Variants in DPY19L3 observed in about 807,000 individuals in gnomAD.
The protein encoded by DPY19L3 is protein C-mannosyl-transferase DPY19L3.
Under a neutral mutation model 92.3 loss-of-function variants are expected in DPY19L3, and 51 were observed. That is an observed-to-expected ratio of 0.55 (90% CI 0.44 to 0.70). The LOEUF is 0.70. Ranked by LOEUF, DPY19L3 falls within the 30% of genes least tolerant of loss-of-function variation. The pLI, the probability that DPY19L3 is intolerant of heterozygous loss-of-function variation, is 0.00. For synonymous variants in DPY19L3, 309 were observed against 315.2 expected, an observed-to-expected ratio of 0.98 and a Z score of 0.21; for missense variants, 706 against 855.9, an observed-to-expected ratio of 0.82 and a Z score of 2.18.
chr19:32,450,558 A>G (rs544302839), intron 8 of DPY19L3, among the ~76,000 whole-genome samples: 2 of 152,224 alleles, frequency 1.3e-5, no homozygotes, highest in Non-Finnish European at 2.9e-5. Flanking sequence ...AAGAATGTTG[A>G]TACATGGTGC....
chr19:32,458,249 G>T, intron 11 of DPY19L3, 76 bp downstream of exon 11: 5 of 1,577,828 alleles, frequency 3.2e-6, no homozygotes, highest in Non-Finnish European at 3.5e-6. Flanking sequence ...AGTTGTCATT[G>T]TGCCTTCAAC....
At position 32,482,412 on chromosome 19, in the gene DPY19L3, G is replaced by A; in HGVS notation, c.*172G>A. The stretch of plus-strand genomic sequence containing the variant: ...CCATCTTTGAAAGCATCTTCTACAA[G>A]CAGAAGTCTTTTTCGTTGTGTGTCT... On this transcript the variant is annotated 3_prime_UTR_variant, in exon 19 of 19. Coordinates refer to ENST00000392250, the MANE Select transcript of DPY19L3 (RefSeq NM_001172774.2). 1 of 697,036 alleles carries A rather than the reference G, an allele frequency of 1.4e-6. No homozygotes were observed. Among genetic ancestry groups the A allele is most frequent in the South Asian group, 2.1e-5 (1 of 47,572 alleles). The allele number at this position is 697,036 out of a possible 1,614,324, so 43.2% of individuals were successfully genotyped here.
intron 8 of DPY19L3, among the ~76,000 whole-genome samples, chr19:32,451,628 T>C (rs896499984): frequency 2.6e-5 from 4 of 152,188 alleles, no homozygotes; most frequent in African/African-American, 9.7e-5. Context: ...GAGTATGGCA[T>C]TGTCTAATTT....
intron 16 of DPY19L3, among the ~76,000 whole-genome samples, chr19:32,475,390 A>T (rs1346572492): frequency 6.6e-6 from 1 of 152,000 alleles, no homozygotes; most frequent in East Asian, 1.9e-4. Flanking sequence ...TGGAAACCAG[A>T]CTCATCATGT....
chr19:32,465,046 T>C (rs1199195826), intron 15 of DPY19L3, among the ~76,000 whole-genome samples: 4 of 152,374 alleles, frequency 2.6e-5, no homozygotes, highest in Middle Eastern at 3.4e-3. Flanking sequence ...AATATTCAGC[T>C]GATGCAAATT....
intron 4 of DPY19L3, among the ~76,000 whole-genome samples, chr19:32,433,322 G>A (rs923525824): frequency 2.0e-5 from 3 of 152,146 alleles, no homozygotes; most frequent in Non-Finnish European, 2.9e-5. Context: ...ATACTTGATC[G>A]GCTTAGCATG....
In DPY19L3 at chr19:32,408,471, G is replaced by T. The variant is rs780486818; in HGVS notation, c.103+115G>T. The T allele has an allele frequency of 7.6e-4, 509 of 672,432 alleles. 2 individuals are homozygous for T. The highest frequency in any genetic ancestry group is 1.2e-3 in the Non-Finnish European group (460 of 385,328). 41.7% of individuals were successfully genotyped at this position (672,432 alleles called of 1,614,324 possible). A position where few individuals can be genotyped will look rare whatever the true frequency, so the allele number is the denominator to read the frequency against. Reference sequence around the variant, plus strand: ...GACCTAACAATTGAAACTTGTTGTAGTACCCTGATATTCTAATTGCAATTT... The same window carrying T: ...GACCTAACAATTGAAACTTGTTGTATTACCCTGATATTCTAATTGCAATTT... On this transcript the variant is annotated intron_variant, in intron 2 of 18. Coordinates refer to ENST00000392250, the MANE Select transcript of DPY19L3 (RefSeq NM_001172774.2).
At chr19:32,428,666 T>G (rs1968851114) in intron 3 of DPY19L3, among the ~76,000 whole-genome samples, 1 of 152,230 alleles carries the variant, frequency 6.6e-6, no homozygotes, top group South Asian at 2.1e-4. Flanking sequence ...TGGTGTCATT[T>G]GTCTCAAAGG....
In DPY19L3 at chr19:32,421,645, AAGAG is replaced by A. The variant is rs571280353; in HGVS notation, c.237+10278_237+10281del. On this transcript the variant is annotated intron_variant, in intron 3 of 18. Coordinates refer to ENST00000392250, the MANE Select transcript of DPY19L3 (RefSeq NM_001172774.2). ...TTCATCTCAAAAAAAAAAAAAAAAA[AAGAG>A]AGAGGAGTCTGTAAGCTGCAGGGGT... is the stretch of plus-strand genomic sequence containing the variant. Among the ~76,000 whole-genome samples, 30 of 38,146 alleles carry A rather than the reference AAGAG, an allele frequency of 7.9e-4. No homozygotes were observed. The South Asian group carries it at 9.3e-3, about 12-fold the overall frequency. 25.0% of individuals were successfully genotyped at this position (38,146 alleles called of 152,430 possible).
Position 32,484,633 on chromosome 19 carries a change from C to T in DPY19L3, c.*2393C>T, listed in dbSNP as rs1400498935. 1 of 152,254 alleles carries T rather than the reference C, an allele frequency of 6.6e-6. No individual in the cohort carries two copies. The highest frequency in any genetic ancestry group is 1.5e-5 in the Non-Finnish European group (1 of 68,080). The allele number at this position is 152,254 out of a possible 1,614,324, so 9.4% of individuals were successfully genotyped here. A position where few individuals can be genotyped will look rare whatever the true frequency, so the allele number is the denominator to read the frequency against. ...CAGGCCCCGGAGTCTCCATCTCTCT[C>T]GTAAGCCACCTGCCACAGCACAGCT... is the stretch of plus-strand genomic sequence containing the variant. On this transcript the variant is annotated 3_prime_UTR_variant, in exon 19 of 19. Coordinates refer to ENST00000392250, the MANE Select transcript of DPY19L3 (RefSeq NM_001172774.2).
chr19:32,435,769 T>G (rs1175348276), intron 4 of DPY19L3, among the ~76,000 whole-genome samples: 1 of 152,216 alleles, frequency 6.6e-6, no homozygotes, highest in East Asian at 1.9e-4. Flanking sequence ...GAACTATCCA[T>G]TCATGCCTTG....
At chr19:32,480,604 G>A (rs976509835) in intron 18 of DPY19L3, 47 bp downstream of exon 18, 54 of 1,566,406 alleles carry the variant, frequency 3.4e-5, no homozygotes, top group Non-Finnish European at 4.5e-5. Context: ...GGAGGGGCGG[G>A]ACTCTGATTT....
intron 8 of DPY19L3, 29 bp from the exon 9 acceptor site, chr19:32,453,116 T>C: frequency 6.2e-7 from 1 of 1,612,678 alleles, no homozygotes; most frequent in African/African-American, 1.3e-5. Flanking sequence ...GTAAAATGTC[T>C]GTACTCATCT....
Position 32,468,254 on chromosome 19 carries a change from A to G in DPY19L3, c.1615-477A>G, listed in dbSNP as rs903858719. 54 of 974,158 alleles carry G rather than the reference A, an allele frequency of 5.5e-5. No individual in the cohort carries two copies. In the African/African-American group the frequency reaches 8.9e-4, roughly 16 times the overall value. The allele number at this position is 974,158 out of a possible 1,614,324, so 60.3% of individuals were successfully genotyped here. A position where few individuals can be genotyped will look rare whatever the true frequency, so the allele number is the denominator to read the frequency against. ...ATCCATGTCATGGGTTATTGTGAGG[A>G]TAAAACAAGGCCGTATTCTAAAGCA... On this transcript the variant is annotated intron_variant, in intron 15 of 18. Transcript: ENST00000392250.
intron 13 of DPY19L3, 73 bp from the exon 14 acceptor site, chr19:32,463,796 T>C: frequency 1.5e-6 from 2 of 1,310,092 alleles, no homozygotes; most frequent in East Asian, 2.3e-5. Context: ...TAAAGCTGCC[T>C]TTATAGGTGT....
At chr19:32,468,278 C>A in intron 15 of DPY19L3, 1 of 985,852 alleles carries the variant, frequency 1.0e-6, no homozygotes, top group Non-Finnish European at 1.2e-6. Context: ...TATTCTAAAG[C>A]ATTTTTGCAG....
chr19:32,444,034 CAAA>C (rs61073758), intron 8 of DPY19L3, among the ~76,000 whole-genome samples: 8 of 129,912 alleles, frequency 6.2e-5, no homozygotes, highest in Admixed American at 1.5e-4. Context: ...GACTCTGTCT[CAAA>C]AAAAAAAAAA....
intron 3 of DPY19L3, among the ~76,000 whole-genome samples, chr19:32,430,734 C>G (rs1051544460): frequency 6.6e-6 from 1 of 151,986 alleles, no homozygotes; most frequent in Admixed American, 6.6e-5. Context: ...AATCGATCCC[C>G]CTTCCTCAAC....
chr19:32,465,453 C>T (rs1241516017), intron 15 of DPY19L3, among the ~76,000 whole-genome samples: 2 of 152,180 alleles, frequency 1.3e-5, no homozygotes, highest in Non-Finnish European at 2.9e-5. Context: ...ACTGTTTTAT[C>T]CAATTGAGCT....
Sources: gnomAD v4.1 joint callset for allele counts (sites outside exome capture counted in the v4.1 genomes callset) on GRCh38, gnomAD v4.1.1 for gene constraint, MANE v1.5 for transcripts, NCBI Gene and HGNC (gene_info 2026-07-23, HGNC 2026-07-21) for gene names.